Variants in SPAG16 observed in about 807,000 individuals in gnomAD.
SPAG16 encodes the protein sperm associated antigen 16, also known as sperm-associated antigen 16 protein.
Under a neutral mutation model 80.4 loss-of-function variants are expected in SPAG16, and 86 were observed. That is an observed-to-expected ratio of 1.07 (90% confidence interval 0.90 to 1.28). The LOEUF (loss-of-function observed/expected upper bound fraction) is 1.28, where lower values mean the gene tolerates loss of function less well. SPAG16 is among the 50% of genes most tolerant of loss of function. The probability of loss-of-function intolerance (pLI) is 0.00; values close to 1 mark genes in which losing one functional copy is unlikely to be tolerated. For missense variants in SPAG16, 870 were observed against 765.3 expected (o/e 1.14, Z -1.61); for synonymous variants, 294 against 265.9 (o/e 1.11, Z -1.03).
chr2:213,439,456 G>A (rs1483620342), intron 9 of SPAG16, among the ~76,000 whole-genome samples: 2 of 152,158 alleles, frequency 1.3e-5, no homozygotes, highest in Non-Finnish European at 2.9e-5. Context: ...CTGGAAGAAG[G>A]GGAACTATCA....
At chr2:214,174,122 C>T (rs533382685) in intron 15 of SPAG16, among the ~76,000 whole-genome samples, 2 of 152,144 alleles carry the variant, frequency 1.3e-5, no homozygotes, top group African/African-American at 4.8e-5. Context: ...CAGCCAATAT[C>T]ATACTGAATG....
intron 5 of SPAG16, among the ~76,000 whole-genome samples, chr2:213,327,837 G>C (rs190425647): frequency 9.9e-5 from 15 of 152,204 alleles, no homozygotes; most frequent in African/African-American, 3.4e-4. Context: ...GTGTGTGTCT[G>C]TTTTACTATA....
chr2:213,734,474 T>C (rs1193037888), intron 10 of SPAG16, among the ~76,000 whole-genome samples: 2 of 152,240 alleles, frequency 1.3e-5, no homozygotes, highest in African/African-American at 2.4e-5. Context: ...ATAAAACTTT[T>C]ATTATAAAAT....
intron 10 of SPAG16, among the ~76,000 whole-genome samples, chr2:213,683,872 C>CA (rs1473051215): frequency 6.6e-6 from 1 of 152,110 alleles, no homozygotes; most frequent in Non-Finnish European, 1.5e-5. Flanking sequence ...TACAATTGAA[C>CA]AAATGACTGT....
intron 10 of SPAG16, among the ~76,000 whole-genome samples, chr2:213,789,646 A>G (rs1451763373): frequency 6.6e-6 from 1 of 151,938 alleles, no homozygotes. Flanking sequence ...TTATTCACTC[A>G]CACGATGTAA....
At chr2:213,546,318 T>G (rs2076610509) in intron 10 of SPAG16, among the ~76,000 whole-genome samples, 1 of 152,164 alleles carries the variant, frequency 6.6e-6, no homozygotes, top group African/African-American at 2.4e-5. Context: ...GGTGCCCCTT[T>G]TTTTTAGCAA....
chr2:214,110,300 CT>C (rs1176814094), intron 14 of SPAG16, among the ~76,000 whole-genome samples: 1 of 151,976 alleles, frequency 6.6e-6, no homozygotes. Flanking sequence ...GCCCCCACCC[CT>C]GACAGGCCCC....
intron 10 of SPAG16, among the ~76,000 whole-genome samples, chr2:213,537,430 T>C (rs1054290895): frequency 1.5e-4 from 23 of 152,138 alleles, no homozygotes; most frequent in African/African-American, 5.5e-4. Context: ...TTTAAGACAA[T>C]TCATACATTG....
intron 15 of SPAG16, among the ~76,000 whole-genome samples, chr2:214,159,546 T>G (rs1252400129): frequency 2.0e-5 from 3 of 151,998 alleles, no homozygotes; most frequent in Non-Finnish European, 2.9e-5. Flanking sequence ...CACACTACTC[T>G]TGGAGATAGA....
chr2:213,527,070 G>C (rs934942007), intron 10 of SPAG16, among the ~76,000 whole-genome samples: 1 of 152,130 alleles, frequency 6.6e-6, no homozygotes, highest in Admixed American at 6.5e-5. Context: ...GCTGTGCCTG[G>C]TATCCTTAAA....
intron 15 of SPAG16, among the ~76,000 whole-genome samples, chr2:214,254,376 G>T (rs991632016): frequency 6.6e-6 from 1 of 152,086 alleles, no homozygotes; most frequent in South Asian, 2.1e-4. Flanking sequence ...TTTTCAAAGG[G>T]AATGCTTCCA....
intron 15 of SPAG16, among the ~76,000 whole-genome samples, chr2:214,216,396 A>G (rs1005527716): frequency 5.9e-5 from 9 of 152,168 alleles, no homozygotes; most frequent in African/African-American, 1.9e-4. Context: ...ATCTCAGCTC[A>G]CTGCAACCTC....
chr2:213,292,634 A>G (rs902894614), intron 1 of SPAG16, among the ~76,000 whole-genome samples: 1 of 143,694 alleles, frequency 7.0e-6, no homozygotes, highest in African/African-American at 2.6e-5. Flanking sequence ...ACTGCACTCC[A>G]GCCTGGGCGA....
At chr2:214,120,892 TG>T (rs1389548102) in intron 14 of SPAG16, among the ~76,000 whole-genome samples, 6 of 151,892 alleles carry the variant, frequency 4.0e-5, no homozygotes, top group Non-Finnish European at 8.8e-5. Flanking sequence ...TTAGTCATTT[TG>T]CAACTCAGCC....
In SPAG16 at chr2:214,205,228, AAAG is replaced by A. The variant is rs1346489786; in HGVS notation, c.1720+55965_1720+55967del. Among the ~76,000 whole-genome samples, 11 of 136,060 alleles carry A rather than the reference AAAG, an allele frequency of 8.1e-5. No homozygotes were observed. The East Asian group carries it at 1.2e-3, about 15-fold the overall frequency. The allele number at this position is 136,060 out of a possible 152,430, so 89.3% of individuals were successfully genotyped here. ...AACAGAGCGAGACTCTGCCAAAAAAAAAGAAAGAAGAAGAAGCTATATCAAAAA... is the reference window on the plus strand; with the variant it reads ...AACAGAGCGAGACTCTGCCAAAAAAAAAAGAAGAAGAAGCTATATCAAAAA... On this transcript the variant is annotated intron_variant, in intron 15 of 15. Coordinates refer to ENST00000331683, the MANE Select transcript of SPAG16 (RefSeq NM_024532.5).
chr2:214,265,218 C>T (rs1449932842), intron 15 of SPAG16, among the ~76,000 whole-genome samples: 1 of 152,110 alleles, frequency 6.6e-6, no homozygotes, highest in African/African-American at 2.4e-5. Context: ...TGTATTCTCA[C>T]CAACAATAAA....
chr2:213,351,804 G>A lies in SPAG16; in HGVS notation c.762+1159G>A, dbSNP rs146723227. On this transcript the variant is annotated intron_variant, in intron 7 of 15. Transcript: ENST00000331683. ...AAACATCATTGTCTTGATGCCCCTT[G>A]TGCTTGAATTTAATTTTGTGTTTTG... is the stretch of plus-strand genomic sequence containing the variant. Among the ~76,000 whole-genome samples the A allele has an allele frequency of 8.6e-3, 1,308 of 152,132 alleles. 18 individuals carry two copies. Among genetic ancestry groups the A allele is most frequent in the African/African-American group, 0.029 (1,219 of 41,516 alleles).
At chr2:214,404,036 T>C (rs1036807306) in intron 15 of SPAG16, among the ~76,000 whole-genome samples, 3 of 152,130 alleles carry the variant, frequency 2.0e-5, no homozygotes, top group Admixed American at 6.6e-5. Context: ...GGAAAAATAT[T>C]CCACTATAGG....
rs1553648950 is a variant in SPAG16, at chr2:213,869,661, T to TTTTG, written c.1214+7033_1214+7034insTTTG. Reference sequence around the variant, plus strand: ...GCTTTGAGTAGTTTTTTTTTTTTTTTGTCTAATTCCAAAAGTAATACAGGA... The same window carrying TTTTG: ...GCTTTGAGTAGTTTTTTTTTTTTTTTTTTGGTCTAATTCCAAAAGTAATACAGGA... On this transcript the variant is annotated intron_variant, in intron 11 of 15. Transcript: ENST00000331683. Among the ~76,000 whole-genome samples the TTTTG allele has an allele frequency of 8.6e-4, 122 of 142,618 alleles. 1 individual carries two copies. The highest frequency in any genetic ancestry group is 1.5e-3 in the South Asian group (7 of 4,608). The allele number at this position is 142,618 out of a possible 152,430, so 93.6% of individuals were successfully genotyped here. A position where few individuals can be genotyped will look rare whatever the true frequency, so the allele number is the denominator to read the frequency against.
Sources: allele counts gnomAD v4.1 joint callset (sites outside exome capture counted in the v4.1 genomes callset), GRCh38; gene constraint gnomAD v4.1.1; transcripts MANE v1.5; gene names NCBI Gene and HGNC (gene_info 2026-07-23, HGNC 2026-07-21).